DNM1: variants seen among roughly 807,000 people sequenced by gnomAD.
DNM1 encodes dynamin-1.
In DNM1, 29 loss-of-function variants were observed where a neutral mutation model predicts 104.6. The ratio of observed to expected loss-of-function variants is 0.28; its 90% CI spans 0.21 to 0.38. DNM1 has a LOEUF of 0.38. Ranked by LOEUF, DNM1 falls within the 10% of genes least tolerant of loss-of-function variation. DNM1 has a pLI of 1.00. For missense variants in DNM1, 640 were observed against 1,189.4 expected (o/e 0.54, Z 6.79); for synonymous variants, 445 against 475.8 (o/e 0.94, Z 0.84).
At chr9:128,251,015 G>A in intron 21 of DNM1, 75 bp downstream of exon 21, 1 of 985,052 alleles carries the variant, frequency 1.0e-6, no homozygotes, top group African/African-American at 1.6e-5. Context: ...CTGGATTCCA[G>A]AGCATCGGAC....
In DNM1 at chr9:128,219,191, C is replaced by T. The variant is rs146242842; in HGVS notation, c.528C>T (p.Pro176=). The T allele has an allele frequency of 1.4e-5, 22 of 1,614,198 alleles. No individual in the cohort carries two copies. Among genetic ancestry groups the T allele is most frequent in the African/African-American group, 8.0e-5 (6 of 75,048 alleles). Residue 176 remains proline, a synonymous_variant, in exon 4 of 22, where the codon CCC becomes CCT. Transcript: ENST00000372923. ...ACTGCCTCATCCTGGCCGTGTCCCC[C>T]GCCAACTCTGACCTGGCCAATTCTG... ...KENCLILAVS[P]ANSDLANSDA...
At position 128,253,911 on chromosome 9, in the gene DNM1, GGGGACGACC is replaced by G. The variant is rs770460874; in HGVS notation, c.2535-741_2535-733del. ...AGGGTCACTTGTGCCATTCAGCCAA[GGGGACGACC>G]GTGCCTGCTGGCCCAGCTGAGCTCC... is the stretch of plus-strand genomic sequence containing the variant. On this transcript the variant is annotated intron_variant, in intron 21 of 21. Coordinates refer to ENST00000372923, the MANE Select transcript of DNM1 (RefSeq NM_004408.4). The surrounding 1 kb of genome is among the most constrained non-coding windows in gnomAD (Gnocchi z 5.9). The G allele has an allele frequency of 1.8e-3, 2,255 of 1,231,670 alleles. 5 individuals are homozygous for G. The highest frequency in any genetic ancestry group is 2.2e-3 in the Non-Finnish European group (2,156 of 987,862). The allele number at this position is 1,231,670 out of a possible 1,614,324, so 76.3% of individuals were successfully genotyped here. A position where few individuals can be genotyped will look rare whatever the true frequency, so the allele number is the denominator to read the frequency against.
rs192721276 is a variant in DNM1, at chr9:128,234,135, G to A, written c.1422+28G>A. 575 of 1,498,904 alleles carry A rather than the reference G, an allele frequency of 3.8e-4. 1 individual carries two copies. Among genetic ancestry groups the A allele is most frequent in the African/African-American group, 3.5e-3 (251 of 71,594 alleles). 92.9% of individuals were successfully genotyped at this position (1,498,904 alleles called of 1,614,324 possible). A position where few individuals can be genotyped will look rare whatever the true frequency, so the allele number is the denominator to read the frequency against. On this transcript the variant is annotated intron_variant, in intron 11 of 21. Coordinates refer to ENST00000372923, the MANE Select transcript of DNM1 (RefSeq NM_004408.4). ...GAGCCCCGCAGCACCCGGCCTGGCCGCGCCTTCCTTCCACTCCTGGCCGCC... is the reference window on the plus strand; with the variant it reads ...GAGCCCCGCAGCACCCGGCCTGGCCACGCCTTCCTTCCACTCCTGGCCGCC...
At chr9:128,232,877 C>T (rs1369003730) in intron 10 of DNM1, 1 of 152,988 alleles carries the variant, frequency 6.5e-6, no homozygotes, top group Non-Finnish European at 1.5e-5. Context: ...TTCATTCCCT[C>T]ATTCTCCAAC....
intron 10 of DNM1, among the ~76,000 whole-genome samples, chr9:128,230,164 C>A (rs1315476833): frequency 6.7e-6 from 1 of 149,954 alleles, no homozygotes; most frequent in East Asian, 1.9e-4. Context: ...TTGCAGTTAG[C>A]CAAGATTGAG....
At chr9:128,234,239 T>A in intron 11 of DNM1, 132 bp downstream of exon 11, 1 of 710,714 alleles carries the variant, frequency 1.4e-6, no homozygotes, top group Non-Finnish European at 2.3e-6. Context: ...TGTCTCATAC[T>A]GACTCTCTGC....
At position 128,218,688 on chromosome 9, in the gene DNM1, C is replaced by G; in HGVS notation, c.342C>G (p.Gly114=). The part of the protein sequence containing the change: ...ETDRVTGTNK[G]ISPVPINLRV... ...ACAGGGTCACCGGCACCAACAAGGG[C>G]ATCTCGCCGGTGCCTATCAACCTCC... Residue 114 remains glycine, a synonymous_variant, in exon 3 of 22, where the codon GGC becomes GGG. Transcript: ENST00000372923. This position sits in a 1 kb window ranked among gnomAD's most constrained non-coding sequence, Gnocchi z 4.8. 1 of 1,612,234 alleles carries G rather than the reference C, an allele frequency of 6.2e-7. No individual in the cohort carries two copies. The highest frequency in any genetic ancestry group is 8.5e-7 in the Non-Finnish European group (1 of 1,178,742).
chr9:128,249,783 C>T (rs1422607092), intron 19 of DNM1, among the ~76,000 whole-genome samples: 1 of 151,892 alleles, frequency 6.6e-6, no homozygotes, highest in Non-Finnish European at 1.5e-5. Context: ...TGGTAATCTC[C>T]CCACTGTACT....
At chr9:128,211,093 A>T (rs192481392) in intron 1 of DNM1, among the ~76,000 whole-genome samples, 1 of 151,988 alleles carries the variant, frequency 6.6e-6, no homozygotes, top group African/African-American at 2.4e-5. Flanking sequence ...CATCCTCCCC[A>T]TCTGACTTGG....
chr9:128,224,411 G>C lies in DNM1; in HGVS notation c.1335+22G>C. On this transcript the variant is annotated intron_variant, in intron 10 of 21. Transcript: ENST00000372923. The surrounding 1 kb of genome is among the most constrained non-coding windows in gnomAD (Gnocchi z 4.3). ...GAAGGTAACCCGGAGGCCCGGGCCA[G>C]CCCCCACCGCCTCTGCCCCGCCCTG... is the stretch of plus-strand genomic sequence containing the variant. The C allele has an allele frequency of 3.1e-6, 5 of 1,599,164 alleles. No homozygotes were observed. Among genetic ancestry groups the C allele is most frequent in the Non-Finnish European group, 4.3e-6 (5 of 1,170,978 alleles).
intron 19 of DNM1, among the ~76,000 whole-genome samples, chr9:128,249,018 C>T (rs1451003438): frequency 6.6e-6 from 1 of 150,892 alleles, no homozygotes; most frequent in Admixed American, 6.6e-5. Context: ...CATGGTGAAA[C>T]CCCATCTCTA....
chr9:128,238,611 G>A (rs1836158825), intron 11 of DNM1, among the ~76,000 whole-genome samples: 1 of 151,546 alleles, frequency 6.6e-6, no homozygotes, highest in Non-Finnish European at 1.5e-5. Context: ...TTTCTTCTAT[G>A]AATTATTCAT....
chr9:128,241,772 A>T (rs1342995361), intron 14 of DNM1, among the ~76,000 whole-genome samples: 1 of 152,166 alleles, frequency 6.6e-6, no homozygotes, highest in Non-Finnish European at 1.5e-5. Flanking sequence ...TCCTGAGCTG[A>T]TACTCAAAGG....
In DNM1 at chr9:128,248,043, T is replaced by A. The variant is rs758901114; in HGVS notation, c.1905+108T>A. ...GAGATGTTCTTTTCTAATTTCTGGA[T>A]TGGGGCCAGGCGCAGTGGCTCACAC... On this transcript the variant is annotated intron_variant, in intron 18 of 21. Coordinates refer to ENST00000372923, the MANE Select transcript of DNM1 (RefSeq NM_004408.4). The surrounding 1 kb of genome is among the most constrained non-coding windows in gnomAD (Gnocchi z 5.6). 1.3e-6 allele frequency: 2 copies of A among 1,509,360 alleles called. No individual in the cohort carries two copies. Among genetic ancestry groups the A allele is most frequent in the African/African-American group, 1.4e-5 (1 of 72,756 alleles). The allele number at this position is 1,509,360 out of a possible 1,614,324, so 93.5% of individuals were successfully genotyped here. A position where few individuals can be genotyped will look rare whatever the true frequency, so the allele number is the denominator to read the frequency against.
chr9:128,235,019 C>G (rs1835925670), intron 11 of DNM1: 1 of 151,670 alleles, frequency 6.6e-6, no homozygotes, highest in Non-Finnish European at 1.5e-5. Context: ...TCTCAAACTC[C>G]TGATCTCAAG....
At chr9:128,234,250 T>C in intron 11 of DNM1, 143 bp downstream of exon 11, 1 of 682,762 alleles carries the variant, frequency 1.5e-6, no homozygotes, top group South Asian at 1.9e-5. Context: ...GACTCTCTGC[T>C]TCTCTCTCTT....
chr9:128,239,873 CG>C, intron 13 of DNM1, 94 bp downstream of exon 13: 1 of 1,563,072 alleles, frequency 6.4e-7, no homozygotes, highest in Non-Finnish European at 8.8e-7. Flanking sequence ...AAGGGTCCCA[CG>C]GGGGCCAGGG....
chr9:128,212,154 G>T (rs991169409), intron 1 of DNM1, among the ~76,000 whole-genome samples: 1 of 152,224 alleles, frequency 6.6e-6, no homozygotes, highest in African/African-American at 2.4e-5. Flanking sequence ...CCCCTGTTAG[G>T]TCCTTCCACA....
At chr9:128,211,497 T>TTTC (rs1834297749) in intron 1 of DNM1, among the ~76,000 whole-genome samples, 2 of 127,880 alleles carry the variant, frequency 1.6e-5, no homozygotes, top group African/African-American at 6.1e-5. Context: ...TTTTTTTTTT[T>TTTC]TCTGTACAGA....
Sources: allele counts gnomAD v4.1 joint callset (sites outside exome capture counted in the v4.1 genomes callset), GRCh38; gene constraint gnomAD v4.1.1; non-coding constraint Gnocchi (gnomAD v3.1); transcripts MANE v1.5; gene names NCBI Gene and HGNC (gene_info 2026-07-23, HGNC 2026-07-21).